Variants in EYS observed in about 807,000 individuals in gnomAD.
EYS encodes the protein EGF-like photoreceptor maintenance factor.
Under a neutral mutation model 282.1 loss-of-function variants are expected in EYS, and 250 were observed. The ratio of observed to expected loss-of-function variants is 0.89; its 90% confidence interval spans 0.80 to 0.98. EYS has a LOEUF of 0.98. EYS is among the 50% of genes least tolerant of loss of function. The pLI, the probability that EYS is intolerant of heterozygous loss-of-function variation, is 0.00. For missense variants in EYS, 4,016 were observed against 3,709.0 expected, an observed-to-expected ratio of 1.08 and a Z score of -2.15; for synonymous variants, 1,355 against 1,282.9, an observed-to-expected ratio of 1.06 and a Z score of -1.20.
chr6:63,850,279 C>G (rs1032120726), intron 36 of EYS, among the ~76,000 whole-genome samples: 1 of 152,046 alleles, frequency 6.6e-6, no homozygotes, highest in African/African-American at 2.4e-5. Flanking sequence ...GAGAACTTCC[C>G]CAATCTAGCA....
intron 24 of EYS, among the ~76,000 whole-genome samples, chr6:64,600,789 C>T (rs1766738983): frequency 6.6e-6 from 1 of 152,046 alleles, no homozygotes; most frequent in Non-Finnish European, 1.5e-5. Flanking sequence ...CTAAGAGAAA[C>T]ATATTGAAAA....
intron 2 of EYS, among the ~76,000 whole-genome samples, chr6:65,623,909 G>T (rs1286320525): frequency 2.0e-5 from 3 of 152,116 alleles, no homozygotes; most frequent in Non-Finnish European, 1.5e-5. Context: ...ATGTTGAGTG[G>T]GAAGCAAGGG....
At chr6:64,540,123 C>T (rs1170507136) in intron 26 of EYS, among the ~76,000 whole-genome samples, 1 of 152,144 alleles carries the variant, frequency 6.6e-6, no homozygotes, top group Admixed American at 6.6e-5. Flanking sequence ...AAAATCTTTT[C>T]CAGATAAAAA....
At position 65,636,219 on chromosome 6, in the gene EYS, G is replaced by C. The variant is rs567126956; in HGVS notation, c.-333+3559C>G. Among the ~76,000 whole-genome samples, 10 of 152,306 alleles carry C rather than the reference G, an allele frequency of 6.6e-5. No homozygotes were observed. The East Asian group carries it at 1.3e-3, about 21-fold the overall frequency. On this transcript the variant is annotated intron_variant, in intron 2 of 42. Transcript: ENST00000503581. ...GCGCAAAATTTTTCAATGATTTGCT[G>C]TCTTTCTTAAACAGAAGCGAAAATC...
intron 31 of EYS, among the ~76,000 whole-genome samples, chr6:64,153,689 C>T (rs1245065768): frequency 6.6e-6 from 1 of 152,148 alleles, no homozygotes; most frequent in African/African-American, 2.4e-5. Context: ...CAAGAACTGT[C>T]ATACTTTACA....
chr6:64,409,799 G>C (rs1773827420), intron 28 of EYS, among the ~76,000 whole-genome samples: 2 of 152,024 alleles, frequency 1.3e-5, no homozygotes, highest in Admixed American at 6.6e-5. Context: ...TATGTTGATA[G>C]GTCTATAGGG....
At chr6:64,264,094 TA>T (rs1562278175) in intron 30 of EYS, among the ~76,000 whole-genome samples, 1 of 86,826 alleles carries the variant, frequency 1.2e-5, no homozygotes, top group African/African-American at 4.6e-5. Flanking sequence ...TCTAGTGAGC[TA>T]AAAGAAAAAC....
At chr6:65,105,731 T>C (rs1324661970) in intron 12 of EYS, among the ~76,000 whole-genome samples, 5 of 151,928 alleles carry the variant, frequency 3.3e-5, no homozygotes, top group East Asian at 1.9e-4. Flanking sequence ...CTTCTGAATT[T>C]CCTAAATCTG....
At chr6:65,571,698 G>C (rs1207263468) in intron 2 of EYS, among the ~76,000 whole-genome samples, 1 of 151,910 alleles carries the variant, frequency 6.6e-6, no homozygotes, top group Non-Finnish European at 1.5e-5. Flanking sequence ...GTTCGATAAT[G>C]AAATTTTTCA....
chr6:65,470,792 A>G (rs1765180369), intron 5 of EYS, among the ~76,000 whole-genome samples: 1 of 152,166 alleles, frequency 6.6e-6, no homozygotes, highest in Non-Finnish European at 1.5e-5. Context: ...TGTGATACCA[A>G]GAAGAGAAAT....
intron 22 of EYS, among the ~76,000 whole-genome samples, chr6:64,656,950 T>C (rs6928790): frequency 0.64 from 97,304 of 152,036 alleles, 31,370 homozygotes; most frequent in African/African-American, 0.71. Flanking sequence ...TTGCATCTAT[T>C]AAGATTATCA....
intron 28 of EYS, among the ~76,000 whole-genome samples, chr6:64,411,461 A>C (rs1773887886): frequency 6.6e-6 from 1 of 152,194 alleles, no homozygotes; most frequent in Non-Finnish European, 1.5e-5. Context: ...AATCAGGTCA[A>C]GCATTAGCAT....
chr6:63,867,136 A>G (rs1231543862), intron 35 of EYS, among the ~76,000 whole-genome samples: 1 of 152,150 alleles, frequency 6.6e-6, no homozygotes, highest in Non-Finnish European at 1.5e-5. Flanking sequence ...ATGCTCTAAG[A>G]CTGATGGATC....
At chr6:63,728,127 GACAA>G (rs954666381) in intron 41 of EYS, among the ~76,000 whole-genome samples, 2 of 151,888 alleles carry the variant, frequency 1.3e-5, no homozygotes, top group Admixed American at 6.6e-5. Flanking sequence ...TTTATTATAA[GACAA>G]ACAATATAAA....
intron 26 of EYS, among the ~76,000 whole-genome samples, chr6:64,545,417 C>G (rs954733298): frequency 2.0e-5 from 3 of 152,102 alleles, no homozygotes; most frequent in African/African-American, 7.2e-5. Context: ...CAATATCATA[C>G]CGAATGAGCA....
At chr6:64,269,068 T>C (rs1392971984) in intron 30 of EYS, among the ~76,000 whole-genome samples, 1 of 152,136 alleles carries the variant, frequency 6.6e-6, no homozygotes, top group Non-Finnish European at 1.5e-5. Context: ...ATCAGTAATT[T>C]TTCTCAGTGC....
intron 22 of EYS, among the ~76,000 whole-genome samples, chr6:64,721,112 G>T (rs1771564378): frequency 6.6e-6 from 1 of 152,152 alleles, no homozygotes. Flanking sequence ...TGGGGATTTA[G>T]TAGGACCAGA....
intron 30 of EYS, among the ~76,000 whole-genome samples, chr6:64,248,029 A>C (rs1380798958): frequency 6.6e-6 from 1 of 152,212 alleles, no homozygotes; most frequent in Non-Finnish European, 1.5e-5. Context: ...CTAAAAGACC[A>C]GAAGGACTTG....
rs185751449 is a variant in EYS at position 64,022,225 on chromosome 6, G to A, written c.6726-23042C>T. Reference sequence around the variant, plus strand: ...TCACACTGGCAATACATATATAAAGGAGTTTGGATAACTTTATAATTTTAA... The same window carrying A: ...TCACACTGGCAATACATATATAAAGAAGTTTGGATAACTTTATAATTTTAA... On this transcript the variant is annotated intron_variant, in intron 33 of 42. Transcript: ENST00000503581. 5.9e-5 allele frequency among the ~76,000 whole-genome samples: 9 copies of A among 152,190 alleles called. No homozygotes were observed. The East Asian group carries it at 1.7e-3, about 29-fold the overall frequency.
Sources: allele counts gnomAD v4.1 joint callset (sites outside exome capture counted in the v4.1 genomes callset), GRCh38; gene constraint gnomAD v4.1.1; transcripts MANE v1.5; gene names NCBI Gene and HGNC (gene_info 2026-07-23, HGNC 2026-07-21).